The following RAPGEF4 variants were observed in gnomAD, a reference collection of about 807,000 sequenced individuals.
RAPGEF4 encodes the protein RAP guanine-nucleotide-exchange factor (GEF) 4.
Under a neutral mutation model 147.9 loss-of-function variants are expected in RAPGEF4, and 66 were observed. The observed-to-expected ratio is 0.45, with a 90% CI of 0.37 to 0.55. RAPGEF4 has a LOEUF of 0.55. Ranked by LOEUF, RAPGEF4 falls within the 20% of genes least tolerant of loss-of-function variation. The pLI, the probability that RAPGEF4 is intolerant of heterozygous loss-of-function variation, is 0.00. For missense variants in RAPGEF4, 1,071 were observed against 1,257.3 expected, an observed-to-expected ratio of 0.85 and a Z score of 2.24; for synonymous variants, 419 against 442.7, an observed-to-expected ratio of 0.95 and a Z score of 0.67.
intron 4 of RAPGEF4, among the ~76,000 whole-genome samples, chr2:172,873,269 G>A (rs1013729965): frequency 6.6e-6 from 1 of 152,164 alleles, no homozygotes; most frequent in Non-Finnish European, 1.5e-5. Flanking sequence ...GTCTGGAAAT[G>A]TTCTCATGTT....
intron 6 of RAPGEF4, among the ~76,000 whole-genome samples, chr2:172,926,904 A>C (rs899959738): frequency 1.3e-5 from 2 of 152,172 alleles, no homozygotes; most frequent in Non-Finnish European, 2.9e-5. Flanking sequence ...TATAGTATTG[A>C]TAGTATGATT....
intron 11 of RAPGEF4, 96 bp downstream of exon 11, chr2:172,983,676 T>A: frequency 6.6e-7 from 1 of 1,504,324 alleles, no homozygotes; most frequent in Non-Finnish European, 8.8e-7. Flanking sequence ...GGGGAAAGAA[T>A]GTCTGATTTT....
At chr2:173,021,373 C>G (rs922513009) in intron 23 of RAPGEF4, among the ~76,000 whole-genome samples, 7 of 152,194 alleles carry the variant, frequency 4.6e-5, no homozygotes, top group Admixed American at 2.0e-4. Context: ...AGGGCCAATT[C>G]AGAGGGTAGA....
chr2:173,026,170 G>A (rs1215438594), intron 23 of RAPGEF4, among the ~76,000 whole-genome samples: 1 of 152,148 alleles, frequency 6.6e-6, no homozygotes, highest in Non-Finnish European at 1.5e-5. Context: ...GTCCCAAACT[G>A]CCATGCCGTT....
chr2:172,819,666 C>T (rs28635235), intron 4 of RAPGEF4, among the ~76,000 whole-genome samples: 27,869 of 150,512 alleles, frequency 0.19, 2,280 homozygotes, highest in East Asian at 0.2. Context: ...GGGGTTTCAC[C>T]GTTTTAGCCA....
At position 172,918,075 on chromosome 2, in the gene RAPGEF4, G is replaced by C. The variant is rs568289490; in HGVS notation, c.517+201G>C. ...TATTAGTCTGTGGTCTTAGCTGATAGAGAGAGGTATGCTCTGGTGCCAGCT... is the reference window on the plus strand; with the variant it reads ...TATTAGTCTGTGGTCTTAGCTGATACAGAGAGGTATGCTCTGGTGCCAGCT... On this transcript the variant is annotated intron_variant, in intron 5 of 30. Transcript: ENST00000397081. The C allele has an allele frequency of 7.5e-5, 55 of 729,460 alleles. No individual in the cohort carries two copies. In the East Asian group the frequency reaches 1.4e-3, roughly 18 times the overall value. 45.2% of individuals were successfully genotyped at this position (729,460 alleles called of 1,614,324 possible).
chr2:173,002,803 G>A (rs929344884), intron 17 of RAPGEF4, among the ~76,000 whole-genome samples: 1 of 152,060 alleles, frequency 6.6e-6, no homozygotes, highest in Non-Finnish European at 1.5e-5. Context: ...AGGGAGATTT[G>A]TGTGTTTATT....
chr2:173,019,944 T>C (rs1695900066), intron 22 of RAPGEF4, among the ~76,000 whole-genome samples: 1 of 152,362 alleles, frequency 6.6e-6, no homozygotes, highest in African/African-American at 2.4e-5. Context: ...CTTTTCTTTA[T>C]TGTTGGCATC....
chr2:173,034,020 A>G, intron 27 of RAPGEF4, 56 bp downstream of exon 27: 1 of 1,507,778 alleles, frequency 6.6e-7, no homozygotes, highest in Non-Finnish European at 9.0e-7. Flanking sequence ...CCAATTTCTG[A>G]TTAGCTGAAT....
intron 1 of RAPGEF4, 133 bp from the exon 2 acceptor site, chr2:172,794,892 A>T (rs939747910): frequency 7.6e-6 from 7 of 915,678 alleles, no homozygotes; most frequent in Non-Finnish European, 1.2e-5. Context: ...AAGGGGGTGG[A>T]TAAATATTTG....
chr2:172,988,284 T>A lies in RAPGEF4; in HGVS notation c.1227+12T>A. On this transcript the variant is annotated intron_variant, in intron 13 of 30. Transcript: ENST00000397081. ...TCATTTACGGCAAGGTATATATATC[T>A]TTTTCTTTTTGAAACTTTATTACGC... 1 of 1,601,150 alleles carries A rather than the reference T, an allele frequency of 6.2e-7. No homozygotes were observed. Among genetic ancestry groups the A allele is most frequent in the Admixed American group, 1.8e-5 (1 of 56,500 alleles).
chr2:172,866,228 T>C (rs566971785), intron 4 of RAPGEF4, among the ~76,000 whole-genome samples: 1 of 152,104 alleles, frequency 6.6e-6, no homozygotes, highest in South Asian at 2.1e-4. Flanking sequence ...TTGTATCCAT[T>C]TCTTCCCTTC....
intron 29 of RAPGEF4, among the ~76,000 whole-genome samples, chr2:173,047,941 G>C (rs1685708034): frequency 6.6e-6 from 1 of 152,186 alleles, no homozygotes. Context: ...CTCCCAAAGT[G>C]CTGGGATTAC....
intron 4 of RAPGEF4, among the ~76,000 whole-genome samples, chr2:172,856,051 A>AT: frequency 6.6e-6 from 1 of 151,952 alleles, no homozygotes; most frequent in Non-Finnish European, 1.5e-5. Flanking sequence ...TTCTTTAAAT[A>AT]TTTTTTCTGT....
intron 4 of RAPGEF4, among the ~76,000 whole-genome samples, chr2:172,852,178 T>C (rs1692919731): frequency 6.6e-6 from 1 of 152,168 alleles, no homozygotes; most frequent in African/African-American, 2.4e-5. Context: ...TTGTAGCACA[T>C]TTCATCTTTC....
intron 4 of RAPGEF4, among the ~76,000 whole-genome samples, chr2:172,829,023 C>T (rs1240317170): frequency 2.0e-5 from 3 of 152,152 alleles, no homozygotes; most frequent in Non-Finnish European, 4.4e-5. Flanking sequence ...GGATCAGGAG[C>T]ACAACATCTC....
At chr2:172,868,812 G>T (rs962970356) in intron 4 of RAPGEF4, among the ~76,000 whole-genome samples, 1 of 152,242 alleles carries the variant, frequency 6.6e-6, no homozygotes, top group African/African-American at 2.4e-5. Flanking sequence ...TGGGCTCACA[G>T]TTCTGCGGCC....
chr2:172,877,314 AAAT>A (rs2149836795), intron 4 of RAPGEF4, among the ~76,000 whole-genome samples: 1 of 152,210 alleles, frequency 6.6e-6, no homozygotes, highest in Admixed American at 6.5e-5. Context: ...GGGAGTTGAA[AAAT>A]GAGAACATAT....
chr2:172,756,302 T>G (rs1304469297), intron 1 of RAPGEF4, among the ~76,000 whole-genome samples: 1 of 152,202 alleles, frequency 6.6e-6, no homozygotes, highest in Non-Finnish European at 1.5e-5. Flanking sequence ...TGTGCTCCAG[T>G]GCCGTTTCCC....
Sources: allele counts gnomAD v4.1 joint callset (sites outside exome capture counted in the v4.1 genomes callset), GRCh38; gene constraint gnomAD v4.1.1; transcripts MANE v1.5; gene names NCBI Gene and HGNC (gene_info 2026-07-23, HGNC 2026-07-21).